Variants in C3orf20 observed in about 807,000 individuals in gnomAD.
C3orf20 encodes the protein family with sequence similarity 149 member C, also known as uncharacterized protein C3orf20.
A neutral mutation model predicts 88.3 loss-of-function variants in C3orf20; 76 were observed. That is an observed-to-expected ratio of 0.86 (90% CI 0.72 to 1.04). The LOEUF is 1.04. Among genes scored for constraint, C3orf20 ranks in the 50% least tolerant of loss-of-function variants. The pLI is 0.00. For missense variants in C3orf20, 1,056 were observed against 1,123.3 expected (o/e 0.94, Z 0.86); for synonymous variants, 436 against 437.4 (o/e 1.00, Z 0.04).
At chr3:14,683,709 C>G (rs2124887495) in intron 3 of C3orf20, among the ~76,000 whole-genome samples, 1 of 151,992 alleles carries the variant, frequency 6.6e-6, no homozygotes, top group Admixed American at 6.6e-5. Flanking sequence ...AACCCTGACT[C>G]TACTAAAAAT....
At chr3:14,681,792 C>T (rs2032107494) in intron 1 of C3orf20, among the ~76,000 whole-genome samples, 1 of 152,170 alleles carries the variant, frequency 6.6e-6, no homozygotes, top group African/African-American at 2.4e-5. Flanking sequence ...AGTGTATTTA[C>T]AGGTTTTTCT....
rs771564723 is a variant in C3orf20, at chr3:14,772,059, C to A, written c.2496-8C>A. 1 of 1,614,200 alleles carries A rather than the reference C, an allele frequency of 6.2e-7. No homozygotes were observed. The highest frequency in any genetic ancestry group is 8.5e-7 in the Non-Finnish European group (1 of 1,180,024). On this transcript the variant is annotated splice_polypyrimidine_tract_variant and splice_region_variant and intron_variant, in intron 15 of 16. Coordinates refer to ENST00000253697, the MANE Select transcript of C3orf20 (RefSeq NM_032137.5). This position sits in a 1 kb window ranked among gnomAD's most constrained non-coding sequence, Gnocchi z 4.2. ...TGAGCACTGCCCCCGACCCTGCCTC[C>A]CCTGCAGTGTTCCCAACTCTGTCCT... is the stretch of plus-strand genomic sequence containing the variant.
At chr3:14,729,970 C>A (rs1393331294) in intron 12 of C3orf20, among the ~76,000 whole-genome samples, 1 of 152,190 alleles carries the variant, frequency 6.6e-6, no homozygotes, top group African/African-American at 2.4e-5. Flanking sequence ...ATTAATATTA[C>A]AAAGTAAACA....
chr3:14,696,702 G>A (rs373316631), intron 5 of C3orf20, among the ~76,000 whole-genome samples: 9 of 151,542 alleles, frequency 5.9e-5, no homozygotes, highest in South Asian at 2.1e-4. Flanking sequence ...TTATGAGTTC[G>A]TCTTTTAGTC....
At chr3:14,751,385 G>A (rs1303885332) in intron 12 of C3orf20, among the ~76,000 whole-genome samples, 1 of 152,318 alleles carries the variant, frequency 6.6e-6, no homozygotes, top group Non-Finnish European at 1.5e-5. Context: ...AGCGGGTGCA[G>A]CCCCCGGAGG....
chr3:14,757,056 TAG>T (rs1180024210), intron 12 of C3orf20, among the ~76,000 whole-genome samples: 3 of 152,074 alleles, frequency 2.0e-5, no homozygotes, highest in Non-Finnish European at 4.4e-5. Context: ...GTCTTGAGTG[TAG>T]AGAGGACAAG....
At chr3:14,683,638 G>A (rs932292516) in intron 3 of C3orf20, among the ~76,000 whole-genome samples, 1 of 152,064 alleles carries the variant, frequency 6.6e-6, no homozygotes, top group African/African-American at 2.4e-5. Context: ...AGCACTTTGG[G>A]AGGCTGAGGC....
intron 9 of C3orf20, among the ~76,000 whole-genome samples, chr3:14,715,946 A>T (rs895661067): frequency 6.6e-6 from 1 of 151,908 alleles, no homozygotes; most frequent in Non-Finnish European, 1.5e-5. Context: ...AACAAATAAT[A>T]AAGAGGGCTG....
At chr3:14,733,475 CT>C (rs1449094162) in intron 12 of C3orf20, among the ~76,000 whole-genome samples, 1 of 152,066 alleles carries the variant, frequency 6.6e-6, no homozygotes, top group Admixed American at 6.5e-5. Flanking sequence ...ATATGGTGGA[CT>C]TTGTGTACAT....
At chr3:14,748,773 T>C (rs2035132698) in intron 12 of C3orf20, among the ~76,000 whole-genome samples, 1 of 152,230 alleles carries the variant, frequency 6.6e-6, no homozygotes, top group African/African-American at 2.4e-5. Context: ...TTTCTTCCTG[T>C]TATTGAATTC....
chr3:14,721,932 C>T (rs1222767303), intron 10 of C3orf20, 148 bp downstream of exon 10: 1 of 910,824 alleles, frequency 1.1e-6, no homozygotes, highest in Non-Finnish European at 1.7e-6. Context: ...TCACCACCTA[C>T]TCTTAGTACC....
intron 13 of C3orf20, 66 bp from the exon 14 acceptor site, chr3:14,759,825 A>G (rs2035502214): frequency 2.2e-6 from 3 of 1,372,848 alleles, no homozygotes. Context: ...CTAGCCGAGA[A>G]TATGGCAATC....
At chr3:14,743,155 C>G (rs1440515466) in intron 12 of C3orf20, among the ~76,000 whole-genome samples, 3 of 151,952 alleles carry the variant, frequency 2.0e-5, no homozygotes, top group Admixed American at 2.0e-4. Context: ...GTCCCTTCCG[C>G]CTGTGAGCCT....
In C3orf20 at chr3:14,702,425, C is replaced by T. The variant is rs1232503599; in HGVS notation, c.746-705C>T. 3.4e-5 allele frequency among the ~76,000 whole-genome samples: 5 copies of T among 148,528 alleles called. No homozygotes were observed. The South Asian group carries it at 6.5e-4, about 19-fold the overall frequency. On this transcript the variant is annotated intron_variant, in intron 5 of 16. Coordinates refer to ENST00000253697, the MANE Select transcript of C3orf20 (RefSeq NM_032137.5). ...TTCTGCCCCTGGCTCCTCCAAATCTCATGTCCTCACATATCTTTTTTTTTT... is the reference window on the plus strand; with the variant it reads ...TTCTGCCCCTGGCTCCTCCAAATCTTATGTCCTCACATATCTTTTTTTTTT...
chr3:14,761,499 TG>T lies in C3orf20; in HGVS notation c.2384del (p.Gly795AlafsTer4), dbSNP rs770132565. ...LMFAGGKLIF[G>X]GRVLNGYGLS... is the part of the protein sequence containing the mutation. ...TGTTTGCCGGGGGGAAGCTCATTTT[TG>T]GGGGCCGTGTTTTGAATGGATATGG... On this transcript the variant is annotated frameshift_variant, in exon 15 of 17. Coordinates refer to ENST00000253697, the MANE Select transcript of C3orf20 (RefSeq NM_032137.5). LOFTEE classifies it high-confidence loss of function. The T allele has an allele frequency of 1.2e-6, 2 of 1,614,070 alleles. No individual in the cohort carries two copies. Among genetic ancestry groups the T allele is most frequent in the East Asian group, 2.2e-5 (1 of 44,816 alleles).
intron 12 of C3orf20, among the ~76,000 whole-genome samples, chr3:14,754,013 G>A (rs542008222): frequency 6.6e-6 from 1 of 152,292 alleles, no homozygotes; most frequent in African/African-American, 2.4e-5. Flanking sequence ...AAGTCCAGTG[G>A]TCAGCCAGAG....
chr3:14,753,240 A>G (rs1436003568), intron 12 of C3orf20, among the ~76,000 whole-genome samples: 1 of 152,230 alleles, frequency 6.6e-6, no homozygotes, highest in African/African-American at 2.4e-5. Flanking sequence ...TCACAAAGAC[A>G]GAAAACCAAA....
Position 14,703,172 on chromosome 3 carries a change from A to G in C3orf20, c.788A>G (p.His263Arg), listed in dbSNP as rs939340107. Residue 263 changes from histidine (H) to arginine (R), a missense_variant, in exon 6 of 17, where the codon CAT becomes CGT. His to Arg is a conservative substitution (Grantham distance 29). Transcript: ENST00000253697. ...GAAGATGTCAGCATGCCGCCCCTGCATCGAGGAGTGGGAACCCCTGCCAAC... is the reference window on the plus strand; with the variant it reads ...GAAGATGTCAGCATGCCGCCCCTGCGTCGAGGAGTGGGAACCCCTGCCAAC... ...TTEDVSMPPLHRGVGTPANSL... is the reference protein window; with the variant it reads ...TTEDVSMPPLRRGVGTPANSL... 6.8e-6 allele frequency: 11 copies of G among 1,614,200 alleles called. No homozygotes were observed. The highest frequency in any genetic ancestry group is 2.2e-5 in the East Asian group (1 of 44,890).
intron 12 of C3orf20, among the ~76,000 whole-genome samples, chr3:14,751,486 A>G (rs2035217632): frequency 6.6e-6 from 1 of 152,184 alleles, no homozygotes; most frequent in Non-Finnish European, 1.5e-5. Context: ...GCCATGAGTG[A>G]ATGGTAAGAA....
Sources: allele counts gnomAD v4.1 joint callset (sites outside exome capture counted in the v4.1 genomes callset), GRCh38; gene constraint gnomAD v4.1.1; non-coding constraint Gnocchi (gnomAD v3.1); transcripts MANE v1.5; gene names NCBI Gene and HGNC (gene_info 2026-07-23, HGNC 2026-07-21).